Variants in ARHGEF28 observed in about 807,000 individuals in gnomAD.
The protein encoded by ARHGEF28 is Rho guanine nucleotide exchange factor 28.
In ARHGEF28, 152 loss-of-function variants were observed where a neutral mutation model predicts 206.6. The observed-to-expected ratio is 0.74, with a 90% CI of 0.64 to 0.84. The LOEUF is 0.84. Ranked by LOEUF, ARHGEF28 falls within the 40% of genes least tolerant of loss-of-function variation. ARHGEF28 has a pLI of 0.00. For missense variants in ARHGEF28, 2,028 were observed against 2,073.2 expected (o/e 0.98, Z 0.42); for synonymous variants, 763 against 776.4 (o/e 0.98, Z 0.29).
At chr5:73,910,686 G>A (rs1379949851) in intron 34 of ARHGEF28, among the ~76,000 whole-genome samples, 2 of 152,160 alleles carry the variant, frequency 1.3e-5, no homozygotes, top group African/African-American at 4.8e-5. Flanking sequence ...ATTCTGTTAT[G>A]CTGAGCTTCT....
chr5:73,936,232 G>A (rs1764411356), intron 35 of ARHGEF28, among the ~76,000 whole-genome samples: 1 of 152,172 alleles, frequency 6.6e-6, no homozygotes, highest in Admixed American at 6.5e-5. Flanking sequence ...TCGTAGGAGG[G>A]CAGATCAACT....
intron 35 of ARHGEF28, among the ~76,000 whole-genome samples, chr5:73,919,401 G>T (rs939337409): frequency 1.3e-5 from 2 of 152,186 alleles, no homozygotes; most frequent in Middle Eastern, 3.4e-3. Context: ...ATGAAGCTCT[G>T]ATAGCACAGC....
chr5:73,691,282 G>T (rs1205944650), intron 2 of ARHGEF28, among the ~76,000 whole-genome samples: 1 of 131,266 alleles, frequency 7.6e-6, no homozygotes, highest in Admixed American at 8.5e-5. Flanking sequence ...ACTAAAATTT[G>T]TTTGGCAAAT....
At chr5:73,705,977 G>T (rs79318517) in intron 2 of ARHGEF28, among the ~76,000 whole-genome samples, 1 of 152,168 alleles carries the variant, frequency 6.6e-6, no homozygotes, top group Non-Finnish European at 1.5e-5. Flanking sequence ...CAACTACTGC[G>T]TTATTATGCT....
intron 35 of ARHGEF28, 49 bp from the exon 36 acceptor site, chr5:73,940,795 T>G: frequency 7.2e-7 from 1 of 1,382,372 alleles, no homozygotes; most frequent in Non-Finnish European, 9.3e-7. Context: ...ACATCTGCCT[T>G]GTACATCTCA....
chr5:73,852,020 C>T (rs1375151605), intron 13 of ARHGEF28, among the ~76,000 whole-genome samples: 1 of 152,136 alleles, frequency 6.6e-6, no homozygotes, highest in East Asian at 1.9e-4. Context: ...AAATCAGTGT[C>T]TCTACTCCAC....
At chr5:73,793,015 A>T (rs1193479903) in intron 7 of ARHGEF28, among the ~76,000 whole-genome samples, 1 of 152,134 alleles carries the variant, frequency 6.6e-6, no homozygotes, top group Non-Finnish European at 1.5e-5. Context: ...GTCCACTATG[A>T]TCTTGTCCTC....
In ARHGEF28 at chr5:73,735,934, TACTC is replaced by T. The variant is rs1277176101; in HGVS notation, c.34-13902_34-13899del. Among the ~76,000 whole-genome samples the T allele has an allele frequency of 2.0e-5, 3 of 152,332 alleles. No homozygotes were observed. The East Asian group carries it at 5.8e-4, about 29-fold the overall frequency. ...TTCAGAGAGGCCTTTCCTGACCTGTTACTCCCTCTCCCATCCATACAGAGACTCT... is the reference window on the plus strand; with the variant it reads ...TTCAGAGAGGCCTTTCCTGACCTGTTCCTCTCCCATCCATACAGAGACTCT... On this transcript the variant is annotated intron_variant, in intron 2 of 35. Coordinates refer to ENST00000513042, the MANE Select transcript of ARHGEF28 (RefSeq NM_001177693.2).
intron 2 of ARHGEF28, among the ~76,000 whole-genome samples, chr5:73,746,730 C>T (rs1234515998): frequency 6.6e-6 from 1 of 151,912 alleles, no homozygotes; most frequent in African/African-American, 2.4e-5. Context: ...CCATTCTTTC[C>T]CTGCTGATTT....
chr5:73,926,337 C>T (rs983001177), intron 35 of ARHGEF28, among the ~76,000 whole-genome samples: 7 of 152,150 alleles, frequency 4.6e-5, no homozygotes, highest in Non-Finnish European at 1.0e-4. Context: ...TTGCCTCTCT[C>T]GTTTCAGGGT....
At chr5:73,711,174 C>G (rs1749222600) in intron 2 of ARHGEF28, among the ~76,000 whole-genome samples, 2 of 151,892 alleles carry the variant, frequency 1.3e-5, no homozygotes, top group African/African-American at 4.8e-5. Context: ...AGGCTATGTA[C>G]CGTGTTTTGT....
In ARHGEF28 at chr5:73,752,955, G is replaced by A. The variant is rs748849781; in HGVS notation, c.228G>A (p.Ser76=). ...TGACGGTATCTGTGTGCCTCTGCTC[G>A]GAAGGTTACTCTCCGGTGACCATGG... ...ETVTVSVCLC[S]EGYSPVTMGS... Residue 76 remains serine, a synonymous_variant, in exon 4 of 36, where the codon TCG becomes TCA. Transcript: ENST00000513042. 9.9e-6 allele frequency: 16 copies of A among 1,613,726 alleles called. No homozygotes were observed. Among genetic ancestry groups the A allele is most frequent in the Middle Eastern group, 3.3e-4 (2 of 6,084 alleles).
At chr5:73,810,955 T>C (rs747758917) in intron 9 of ARHGEF28, among the ~76,000 whole-genome samples, 6 of 152,216 alleles carry the variant, frequency 3.9e-5, no homozygotes, top group Admixed American at 6.5e-5. Flanking sequence ...AGAAGTATAG[T>C]ATTCCTATAC....
chr5:73,671,787 GCT>G (rs1323719758), intron 1 of ARHGEF28, among the ~76,000 whole-genome samples: 2 of 85,104 alleles, frequency 2.4e-5, no homozygotes, highest in East Asian at 7.8e-4. Context: ...ACGGAATCTC[GCT>G]CTGTCACCCA....
chr5:73,701,421 G>A (rs145394861), intron 2 of ARHGEF28, among the ~76,000 whole-genome samples: 55 of 152,164 alleles, frequency 3.6e-4, no homozygotes, highest in African/African-American at 1.1e-3. Context: ...ATTGGTAACC[G>A]CCATTGTGCT....
intron 2 of ARHGEF28, among the ~76,000 whole-genome samples, chr5:73,705,931 A>G (rs1262898244): frequency 6.6e-6 from 1 of 152,238 alleles, no homozygotes; most frequent in African/African-American, 2.4e-5. Context: ...GCTTAGACCC[A>G]GGTTTCAGAA....
At chr5:73,702,976 T>G (rs1748690848) in intron 2 of ARHGEF28, among the ~76,000 whole-genome samples, 1 of 152,336 alleles carries the variant, frequency 6.6e-6, no homozygotes, top group Non-Finnish European at 1.5e-5. Context: ...ATGGTGAGTT[T>G]AGATAGCAAA....
chr5:73,810,713 A>G (rs1755793160), intron 9 of ARHGEF28, among the ~76,000 whole-genome samples: 17 of 152,198 alleles, frequency 1.1e-4, no homozygotes, highest in Admixed American at 1.0e-3. Context: ...CATAATCTGC[A>G]TTTAAAATGA....
intron 1 of ARHGEF28, among the ~76,000 whole-genome samples, chr5:73,650,531 C>A (rs1744743991): frequency 6.6e-6 from 1 of 152,052 alleles, no homozygotes. Flanking sequence ...GATCTGCCAG[C>A]CTCGGCCTCA....
Sources: gnomAD v4.1 joint callset for allele counts (sites outside exome capture counted in the v4.1 genomes callset) on GRCh38, gnomAD v4.1.1 for gene constraint, MANE v1.5 for transcripts, NCBI Gene and HGNC (gene_info 2026-07-23, HGNC 2026-07-21) for gene names.